EIF4H: variants seen among roughly 807,000 people sequenced by gnomAD.
EIF4H encodes the protein Williams-Beuren syndrome chromosome region 1.
A neutral mutation model predicts 30.6 loss-of-function variants in EIF4H; 8 were observed. That is an observed-to-expected ratio of 0.26 (90% CI 0.15 to 0.47). The LOEUF (loss-of-function observed/expected upper bound fraction) is 0.47, where lower values mean the gene tolerates loss of function less well. Ranked by LOEUF, EIF4H falls within the 20% of genes least tolerant of loss-of-function variation. The probability of loss-of-function intolerance (pLI) is 0.99; values close to 1 mark genes in which losing one functional copy is unlikely to be tolerated. For missense variants in EIF4H, 188 were observed against 339.5 expected, an observed-to-expected ratio of 0.55 and a Z score of 3.51; for synonymous variants, 106 against 122.7, an observed-to-expected ratio of 0.86 and a Z score of 0.90.
intron 1 of EIF4H, among the ~76,000 whole-genome samples, chr7:74,186,847 G>T (rs1402308868): frequency 9.4e-6 from 1 of 106,044 alleles, no homozygotes; most frequent in Non-Finnish European, 1.8e-5. Flanking sequence ...TTTTGAGACG[G>T]AGTCTCTGTC....
chr7:74,178,197 T>A (rs1276397707), intron 1 of EIF4H, among the ~76,000 whole-genome samples: 1 of 152,146 alleles, frequency 6.6e-6, no homozygotes, highest in Non-Finnish European at 1.5e-5. Flanking sequence ...TGCCTCAGCC[T>A]CCCAAGGCTC....
chr7:74,181,344 C>G (rs1284586279), intron 1 of EIF4H, among the ~76,000 whole-genome samples: 1 of 152,054 alleles, frequency 6.6e-6, no homozygotes, highest in Non-Finnish European at 1.5e-5. Flanking sequence ...GTAAATATTA[C>G]ATACTTTAGA....
At chr7:74,192,015 G>A (rs1266409474) in intron 5 of EIF4H, among the ~76,000 whole-genome samples, 13 of 152,172 alleles carry the variant, frequency 8.5e-5, no homozygotes, top group Admixed American at 5.9e-4. Flanking sequence ...TCCTGACCTC[G>A]TGATCCACCT....
At chr7:74,174,904 G>A (rs1301183043) in intron 1 of EIF4H, among the ~76,000 whole-genome samples, 1 of 152,220 alleles carries the variant, frequency 6.6e-6, no homozygotes, top group Non-Finnish European at 1.5e-5. Context: ...CCACGAGGCC[G>A]GCCGACTGGG....
At chr7:74,192,331 C>T (rs1435722201) in intron 5 of EIF4H, among the ~76,000 whole-genome samples, 1 of 152,150 alleles carries the variant, frequency 6.6e-6, no homozygotes, top group African/African-American at 2.4e-5. Context: ...TGTAAAGGAC[C>T]TTATACTCGA....
intron 1 of EIF4H, among the ~76,000 whole-genome samples, chr7:74,179,834 T>A (rs1269687505): frequency 1.3e-5 from 2 of 152,160 alleles, no homozygotes; most frequent in East Asian, 3.8e-4. Context: ...CTCTGAGTAT[T>A]GAAAGACTGT....
chr7:74,194,898 T>C lies in EIF4H; in HGVS notation c.607+20T>C. On this transcript the variant is annotated intron_variant, in intron 6 of 6. Coordinates refer to ENST00000265753, the MANE Select transcript of EIF4H (RefSeq NM_022170.2). The stretch of plus-strand genomic sequence containing the variant: ...CAGAAGGTACGGGCTCATGTGTCAG[T>C]GGAGGGCATCTTGTCCTGATGGGAT... 1 of 1,575,684 alleles carries C rather than the reference T, an allele frequency of 6.3e-7. No individual in the cohort carries two copies. Among genetic ancestry groups the C allele is most frequent in the Non-Finnish European group, 8.7e-7 (1 of 1,152,780 alleles).
intron 1 of EIF4H, among the ~76,000 whole-genome samples, chr7:74,186,788 A>ATTTTTTTTTTTTTT (rs564794579): frequency 2.9e-5 from 2 of 70,122 alleles, no homozygotes; most frequent in Admixed American, 1.7e-4. Flanking sequence ...ACAAGGAGAA[A>ATTTTTTTTTTTTTT]TTTTTTTTTT....
chr7:74,181,319 C>G (rs182910986), intron 1 of EIF4H, among the ~76,000 whole-genome samples: 2 of 152,068 alleles, frequency 1.3e-5, no homozygotes, highest in East Asian at 3.9e-4. Flanking sequence ...AATTTTAATC[C>G]TCATCTTTGT....
At chr7:74,181,816 C>T (rs184214137) in intron 1 of EIF4H, among the ~76,000 whole-genome samples, 138 of 146,870 alleles carry the variant, frequency 9.4e-4, no homozygotes, top group Middle Eastern at 4.0e-3. Flanking sequence ...CTCACTGCAG[C>T]CTCCGCCACC....
intron 1 of EIF4H, among the ~76,000 whole-genome samples, chr7:74,177,194 C>G (rs560190351): frequency 6.6e-6 from 1 of 152,296 alleles, no homozygotes; most frequent in Admixed American, 6.5e-5. Flanking sequence ...AGTGATCCTC[C>G]CGCCTCAGCC....
At chr7:74,178,922 C>T (rs1800897546) in intron 1 of EIF4H, among the ~76,000 whole-genome samples, 1 of 152,336 alleles carries the variant, frequency 6.6e-6, no homozygotes, top group African/African-American at 2.4e-5. Flanking sequence ...TATGTGGCTG[C>T]TCCACGGTTG....
At chr7:74,194,438 A>C (rs1346737466) in intron 5 of EIF4H, among the ~76,000 whole-genome samples, 1 of 152,230 alleles carries the variant, frequency 6.6e-6, no homozygotes, top group Non-Finnish European at 1.5e-5. Context: ...AGCCGTATTA[A>C]AATACAGTTT....
At position 74,196,324 on chromosome 7, in the gene EIF4H, C is replaced by T. The variant is rs1242219931; in HGVS notation, c.*1016C>T. ...TGAGATACTGTGCTTCCCACCTCCC[C>T]TTCAGTTCAGAGCCAAAATGGGTCT... On this transcript the variant is annotated 3_prime_UTR_variant, in exon 7 of 7. Coordinates refer to ENST00000265753, the MANE Select transcript of EIF4H (RefSeq NM_022170.2). 6.6e-6 allele frequency: 1 copy of T among 152,656 alleles called. No homozygotes were observed. Among genetic ancestry groups the T allele is most frequent in the Non-Finnish European group, 1.5e-5 (1 of 68,060 alleles). 9.5% of individuals were successfully genotyped at this position (152,656 alleles called of 1,614,324 possible). A position where few individuals can be genotyped will look rare whatever the true frequency, so the allele number is the denominator to read the frequency against.
rs1801320343 is a variant in EIF4H at position 74,195,362 on chromosome 7, G to C, written c.*54G>C. ...GGGGGTTAGAGCAGGACCACAGCCT[G>C]GTGAGTCCCCGGGCAGCCGTCCTGC... On this transcript the variant is annotated 3_prime_UTR_variant, in exon 7 of 7. Transcript: ENST00000265753. 6.6e-7 allele frequency: 1 copy of C among 1,525,556 alleles called. No individual in the cohort carries two copies. The highest frequency in any genetic ancestry group is 8.8e-7 in the Non-Finnish European group (1 of 1,134,276). 94.5% of individuals were successfully genotyped at this position (1,525,556 alleles called of 1,614,324 possible). A position where few individuals can be genotyped will look rare whatever the true frequency, so the allele number is the denominator to read the frequency against.
chr7:74,186,464 C>T (rs903868604), intron 1 of EIF4H, among the ~76,000 whole-genome samples: 3 of 152,062 alleles, frequency 2.0e-5, no homozygotes, highest in Non-Finnish European at 2.9e-5. Flanking sequence ...CCACCCACCT[C>T]GGCCTCCCAA....
At chr7:74,194,927 C>G in intron 6 of EIF4H, 49 bp downstream of exon 6, 2 of 1,556,944 alleles carry the variant, frequency 1.3e-6, no homozygotes, top group Non-Finnish European at 1.7e-6. Flanking sequence ...ATGGGATGAT[C>G]ATGGCCGGTT....
At position 74,174,399 on chromosome 7, in the gene EIF4H, A is replaced by G. The variant is rs1441368382; in HGVS notation, c.16A>G (p.Thr6Ala). ...GAGACGGCAAATGGCGGACTTCGAC[A>G]CCTACGACGATCGGGCCTACAGCAG... MADFD[T>A]YDDRAYSSFG... Residue 6 changes from threonine (T) to alanine (A), a missense_variant, in exon 1 of 7, where the codon ACC becomes GCC. By Grantham distance (58) the Thr-to-Ala change is moderately conservative. Around this residue, in one of 4 missense-constraint regions of EIF4H, gnomAD observed 43 missense variants for 43.4 expected, o/e 0.99. Coordinates refer to ENST00000265753, the MANE Select transcript of EIF4H (RefSeq NM_022170.2). The G allele has an allele frequency of 2.2e-5, 32 of 1,459,494 alleles. No homozygotes were observed. The highest frequency in any genetic ancestry group is 2.8e-5 in the Non-Finnish European group (31 of 1,092,150). 90.4% of individuals were successfully genotyped at this position (1,459,494 alleles called of 1,614,324 possible).
At chr7:74,176,611 C>A (rs1387418643) in intron 1 of EIF4H, among the ~76,000 whole-genome samples, 1 of 152,132 alleles carries the variant, frequency 6.6e-6, no homozygotes, top group Non-Finnish European at 1.5e-5. Flanking sequence ...AAATGGTAGG[C>A]CTAAAATGAA....
Sources: allele counts gnomAD v4.1 joint callset (sites outside exome capture counted in the v4.1 genomes callset), GRCh38; gene constraint gnomAD v4.1.1; regional missense constraint gnomAD v4.1.1; transcripts MANE v1.5; gene names NCBI Gene and HGNC (gene_info 2026-07-23, HGNC 2026-07-21).